The following CWH43 variants were observed in gnomAD, a reference collection of about 807,000 sequenced individuals.
CWH43 encodes cell wall biogenesis 43 C-terminal homolog.
A neutral mutation model predicts 85.7 loss-of-function variants in CWH43; 91 were observed. The observed-to-expected ratio is 1.06, with a 90% CI of 0.90 to 1.26. CWH43 has a LOEUF of 1.26. CWH43 is among the 50% of genes most tolerant of loss of function. The pLI is 0.00. For missense variants in CWH43, 869 were observed against 839.2 expected, an observed-to-expected ratio of 1.04 and a Z score of -0.44; for synonymous variants, 323 against 293.6, an observed-to-expected ratio of 1.10 and a Z score of -1.02.
intron 12 of CWH43, among the ~76,000 whole-genome samples, chr4:49,036,783 G>A (rs951194079): frequency 1.3e-5 from 2 of 152,180 alleles, no homozygotes; most frequent in South Asian, 2.1e-4. Context: ...GTAGAGAAGC[G>A]AGTGTATTTC....
intron 15 of CWH43, 118 bp downstream of exon 15, chr4:49,050,967 A>T (rs1393381923): frequency 1.3e-5 from 9 of 683,910 alleles, no homozygotes; most frequent in Non-Finnish European, 2.0e-5. Flanking sequence ...ATTCCAGGTA[A>T]GGGAGACTGT....
rs1424723851 is a variant in CWH43, at chr4:49,032,694, T to A, written c.1637T>A (p.Val546Glu). 13 of 1,613,986 alleles carry A rather than the reference T, an allele frequency of 8.1e-6. No homozygotes were observed. The highest frequency in any genetic ancestry group is 9.3e-6 in the Non-Finnish European group (11 of 1,179,946). Residue 546 changes from valine to glutamate, a missense_variant, in exon 12 of 16, where the codon GTG becomes GAG. Physicochemically the swap from Val to Glu is moderately radical, Grantham distance 121 (BLOSUM62 -2). This residue lies in a region of CWH43 where 577 missense variants were observed against 513.1 expected (regional missense o/e 1.12). Transcript: ENST00000226432. Reference sequence around the variant, plus strand: ...TCGGGCAAGCTGGTGGATTTTGTCGTGACACACTTTGGGAACCACGAGTGG... The same window carrying A: ...TCGGGCAAGCTGGTGGATTTTGTCGAGACACACTTTGGGAACCACGAGTGG... ...NISGKLVDFV[V>E]THFGNHEDDL...
In CWH43 at chr4:49,032,639, G is replaced by T. The variant is rs1402892003; in HGVS notation, c.1582G>T (p.Ala528Ser). 9.3e-6 allele frequency: 15 copies of T among 1,614,016 alleles called. No individual in the cohort carries two copies. The highest frequency in any genetic ancestry group is 1.3e-5 in the Non-Finnish European group (15 of 1,179,918). ...HLLPSPEGEIAPAITLTVNIS... is the reference protein window; with the variant it reads ...HLLPSPEGEISPAITLTVNIS... Reference sequence around the variant, plus strand: ...TCTTCCGTCACCAGAGGGCGAGATCGCACCAGCCATCACATTGACCGTTAA... The same window carrying T: ...TCTTCCGTCACCAGAGGGCGAGATCTCACCAGCCATCACATTGACCGTTAA... Residue 528 changes from alanine to serine, a missense_variant, in exon 12 of 16, where the codon GCA (alanine) becomes TCA (serine). Transcript: ENST00000226432.
At chr4:49,046,695 G>A (rs1784634275) in intron 14 of CWH43, among the ~76,000 whole-genome samples, 1 of 152,060 alleles carries the variant, frequency 6.6e-6, no homozygotes, top group Admixed American at 6.6e-5. Context: ...GGCGGGGAAA[G>A]TTTGAGAGGA....
intron 15 of CWH43, among the ~76,000 whole-genome samples, chr4:49,051,386 C>T (rs1402429832): frequency 6.6e-6 from 1 of 152,172 alleles, no homozygotes; most frequent in East Asian, 1.9e-4. Context: ...ATTAGATTCA[C>T]CTGGACAGCT....
At chr4:49,060,320 T>C (rs550956622) in intron 15 of CWH43, among the ~76,000 whole-genome samples, 8 of 152,210 alleles carry the variant, frequency 5.3e-5, no homozygotes, top group African/African-American at 1.9e-4. Context: ...GCTGGGTCCA[T>C]GTGTTCTGGC....
chr4:49,054,662 T>C (rs926698758), intron 15 of CWH43, among the ~76,000 whole-genome samples: 14 of 152,164 alleles, frequency 9.2e-5, no homozygotes, highest in Admixed American at 2.6e-4. Context: ...TTCCATTAAT[T>C]TGTGGTCTTC....
chr4:48,998,285 T>C (rs2109752610), intron 5 of CWH43, among the ~76,000 whole-genome samples, 175 bp from the exon 6 acceptor site: 1 of 152,354 alleles, frequency 6.6e-6, no homozygotes, highest in Admixed American at 6.5e-5. Context: ...TTATTCCTTC[T>C]CTGTTCTGAA....
chr4:49,022,706 T>C (rs1577681788), intron 9 of CWH43, among the ~76,000 whole-genome samples: 1 of 152,170 alleles, frequency 6.6e-6, no homozygotes, highest in East Asian at 1.9e-4. Context: ...CAATTTTAAA[T>C]TGCCATTTCA....
intron 2 of CWH43, among the ~76,000 whole-genome samples, chr4:48,988,915 C>T (rs1400112175): frequency 3.0e-4 from 45 of 152,122 alleles, no homozygotes; most frequent in Admixed American, 2.9e-3. Flanking sequence ...AGGGGAAAGA[C>T]ACCTTAAAGA....
chr4:49,025,631 T>C (rs1035867838), intron 9 of CWH43, among the ~76,000 whole-genome samples: 3 of 152,208 alleles, frequency 2.0e-5, no homozygotes, highest in African/African-American at 7.2e-5. Context: ...TTTCTGGATC[T>C]AGCTACCCAG....
chr4:49,000,868 A>T (rs1485057181), intron 6 of CWH43, among the ~76,000 whole-genome samples: 2 of 152,184 alleles, frequency 1.3e-5, no homozygotes, highest in African/African-American at 4.8e-5. Flanking sequence ...TAAGGCTTCT[A>T]GAAGGCTGCT....
chr4:49,030,402 C>T (rs1484954841), intron 10 of CWH43, among the ~76,000 whole-genome samples: 1 of 152,144 alleles, frequency 6.6e-6, no homozygotes, highest in Non-Finnish European at 1.5e-5. Flanking sequence ...GCTTCCAAGG[C>T]ACACCTGGTC....
At chr4:49,001,853 A>G (rs1371472462) in intron 6 of CWH43, among the ~76,000 whole-genome samples, 2 of 152,220 alleles carry the variant, frequency 1.3e-5, no homozygotes, top group African/African-American at 2.4e-5. Context: ...ATTCTTTTAA[A>G]AACAGTCATT....
chr4:49,034,322 G>A (rs1051223496), intron 12 of CWH43, among the ~76,000 whole-genome samples: 6 of 152,098 alleles, frequency 3.9e-5, no homozygotes, highest in Non-Finnish European at 7.4e-5. Context: ...AAGGTTGCAA[G>A]TTCTCAACCT....
intron 12 of CWH43, among the ~76,000 whole-genome samples, chr4:49,034,776 GT>G (rs1308725218): frequency 6.6e-6 from 1 of 152,064 alleles, no homozygotes; most frequent in Non-Finnish European, 1.5e-5. Context: ...TTGAGCTTTA[GT>G]TTTCTCATCT....
intron 5 of CWH43, among the ~76,000 whole-genome samples, chr4:48,997,778 G>T (rs545288125): frequency 8.5e-5 from 13 of 152,146 alleles, no homozygotes; most frequent in African/African-American, 2.7e-4. Context: ...AGGCACATGA[G>T]AATTAAATGA....
Position 48,999,389 on chromosome 4 carries a change from G to A in CWH43, c.802+841G>A, listed in dbSNP as rs1283690545. On this transcript the variant is annotated intron_variant, in intron 6 of 15. Transcript: ENST00000226432. ...GAATAGCACTGCAATAAACATACGC[G>A]TGCATGTGTCTTTATGGTAGAACAA... Among the ~76,000 whole-genome samples, 6 of 152,270 alleles carry A rather than the reference G, an allele frequency of 3.9e-5. No homozygotes were observed. The East Asian group carries it at 5.8e-4, about 15-fold the overall frequency.
At chr4:49,045,729 A>G (rs1334058683) in intron 14 of CWH43, among the ~76,000 whole-genome samples, 1 of 152,050 alleles carries the variant, frequency 6.6e-6, no homozygotes, top group African/African-American at 2.4e-5. Context: ...TTTTAAATAT[A>G]TTTTTATTTT....
Sources: allele counts gnomAD v4.1 joint callset (sites outside exome capture counted in the v4.1 genomes callset), GRCh38; gene constraint gnomAD v4.1.1; regional missense constraint gnomAD v4.1.1; transcripts MANE v1.5; gene names NCBI Gene and HGNC (gene_info 2026-07-23, HGNC 2026-07-21).